The following ZNF530 variants were observed in gnomAD, a reference collection of about 807,000 sequenced individuals.
ZNF530 encodes zinc finger protein 530.
Under a neutral mutation model 2.8 loss-of-function variants are expected in ZNF530, and 5 were observed. The ratio of observed to expected loss-of-function variants is 1.80; its 90% CI spans 0.94 to 3.78. The LOEUF is 3.78. ZNF530 is among the 30% of genes most tolerant of loss of function. The pLI is 0.00. For missense variants in ZNF530, 619 were observed against 673.3 expected (o/e 0.92, Z 0.89); for synonymous variants, 229 against 235.0 (o/e 0.97, Z 0.23).
Position 57,606,299 on chromosome 19 carries a change from G to A in ZNF530, c.675G>A (p.Arg225=), listed in dbSNP as rs1313767376. 8 of 1,613,870 alleles carry A rather than the reference G, an allele frequency of 5.0e-6. No homozygotes were observed. The highest frequency in any genetic ancestry group is 6.8e-6 in the Non-Finnish European group (8 of 1,180,002). The change falls in exon 4 of 4, where the codon AGG becomes AGA. Residue 225 remains arginine (R), a synonymous_variant. Coordinates refer to ENST00000597700, the MANE Select transcript of ZNF530 (RefSeq NM_001321981.2). ...FSQSSGFLRH[R]KAHGRTRTHE... is the part of the protein sequence containing the mutation. ...AAAGTTCTGGCTTTCTTCGACACAG[G>A]AAAGCACACGGTAGAACAAGGACTC...
Position 57,600,142 on chromosome 19 carries a change from C to T in ZNF530, c.-122+8C>T. The T allele has an allele frequency of 6.4e-7, 1 of 1,569,452 alleles. No homozygotes were observed. Among genetic ancestry groups the T allele is most frequent in the Non-Finnish European group, 8.6e-7 (1 of 1,156,446 alleles). On this transcript the variant is annotated splice_region_variant and intron_variant, in intron 1 of 3. Transcript: ENST00000597700. ...CTGAGGGCCCCGACCCAGGTGAGCG[C>T]TGCGTCCTCCCGGCCTCCTCTGCCC...
At chr19:57,602,935 G>T (rs963811243) in intron 2 of ZNF530, among the ~76,000 whole-genome samples, 8 of 152,110 alleles carry the variant, frequency 5.3e-5, no homozygotes. Context: ...CTGTTCCCCA[G>T]GCTGGAGGGC....
chr19:57,599,993 C>A lies in ZNF530; in HGVS notation c.-263C>A. 2.4e-6 allele frequency: 3 copies of A among 1,250,416 alleles called. No homozygotes were observed. The highest frequency in any genetic ancestry group is 1.6e-5 in the South Asian group (1 of 60,738). The allele number at this position is 1,250,416 out of a possible 1,614,324, so 77.5% of individuals were successfully genotyped here. On this transcript the variant is annotated 5_prime_UTR_variant, in exon 1 of 4. Transcript: ENST00000597700. ...GACAGCGAGAAGGCGCGAGGAGAGTCGTTTTCTCAGCTGCACAGCCGGGGC... is the reference window on the plus strand; with the variant it reads ...GACAGCGAGAAGGCGCGAGGAGAGTAGTTTTCTCAGCTGCACAGCCGGGGC...
At chr19:57,601,568 G>C (rs909237173) in intron 2 of ZNF530, among the ~76,000 whole-genome samples, 1 of 152,200 alleles carries the variant, frequency 6.6e-6, no homozygotes, top group African/African-American at 2.4e-5. Context: ...ATATCAAGTG[G>C]CTAGGTGGAC....
downstream of ZNF530, among the ~76,000 whole-genome samples, chr19:57,611,920 A>G (rs1980893713): frequency 6.6e-6 from 1 of 152,148 alleles, no homozygotes; most frequent in Non-Finnish European, 1.5e-5. Context: ...TGAGGCAACT[A>G]GAGACCACCC....
In ZNF530 at chr19:57,606,744, T is replaced by C. The variant is rs767428654; in HGVS notation, c.1120T>C (p.Tyr374His). ...HQRFHTGERPYVCSECGKSFG... is the reference protein window; with the variant it reads ...HQRFHTGERPHVCSECGKSFG... ...AAGATTTCACACTGGAGAAAGACCT[T>C]ATGTGTGCAGTGAATGTGGGAAATC... The change falls in exon 4 of 4, where the codon TAT becomes CAT. Residue 374 changes from tyrosine (Y) to histidine (H), a missense_variant. Coordinates refer to ENST00000597700, the MANE Select transcript of ZNF530 (RefSeq NM_001321981.2). 3.7e-6 allele frequency: 6 copies of C among 1,613,726 alleles called. No individual in the cohort carries two copies. In the African/African-American group the frequency reaches 6.7e-5, roughly 18 times the overall value.
Position 57,600,176 on chromosome 19 carries a change from C to A in ZNF530, c.-122+42C>A, listed in dbSNP as rs753502281. ...CCCGGCCTCCTCTGCCCTCCCCACC[C>A]GAAACTGAGGGACGCGTGAAGGGTT... is the stretch of plus-strand genomic sequence containing the variant. On this transcript the variant is annotated intron_variant, in intron 1 of 3. Transcript: ENST00000597700. 4 of 1,548,632 alleles carry A rather than the reference C, an allele frequency of 2.6e-6. No homozygotes were observed. The South Asian group carries it at 3.6e-5, about 14-fold the overall frequency.
At position 57,608,455 on chromosome 19, in the gene ZNF530, A is replaced by C. The variant is rs1421390786; in HGVS notation, c.*1130A>C. The C allele has an allele frequency of 6.6e-6, 1 of 152,154 alleles. No homozygotes were observed. The highest frequency in any genetic ancestry group is 1.5e-5 in the Non-Finnish European group (1 of 68,024). The allele number at this position is 152,154 out of a possible 1,614,324, so 9.4% of individuals were successfully genotyped here. A position where few individuals can be genotyped will look rare whatever the true frequency, so the allele number is the denominator to read the frequency against. On this transcript the variant is annotated 3_prime_UTR_variant, in exon 4 of 4. Transcript: ENST00000597700. ...TTTCGCATTGTTTCCAAGGCCTTCT[A>C]GGAGACACTGCAGGGCTTTCTGGCT...
chr19:57,603,264 G>GTA (rs1366765790), intron 2 of ZNF530, among the ~76,000 whole-genome samples: 14 of 152,164 alleles, frequency 9.2e-5, no homozygotes, highest in African/African-American at 3.1e-4. Context: ...CCATGATTCA[G>GTA]GTACCTCCTA....
downstream of ZNF530, among the ~76,000 whole-genome samples, chr19:57,610,428 G>A (rs1055764923): frequency 1.3e-5 from 2 of 151,822 alleles, no homozygotes; most frequent in Non-Finnish European, 2.9e-5. Context: ...GTGTGTGTGT[G>A]TGTGTGTGTG....
chr19:57,605,772 G>T lies in ZNF530; in HGVS notation c.148G>T (p.Ala50Ser). Residue 50 changes from alanine (A) to serine (S), a missense_variant, in exon 4 of 4, where the codon GCA becomes TCA. Physicochemically the swap from Ala to Ser is moderately conservative, Grantham distance 99 (BLOSUM62 1). Transcript: ENST00000597700. ...EELSQGRTPKADTSTDKSHPC... is the reference protein window; with the variant it reads ...EELSQGRTPKSDTSTDKSHPC... ...ACTGTCACAGGGCAGGACTCCAAAGGCAGATACATCCACTGATAAGAGTCA... is the reference window on the plus strand; with the variant it reads ...ACTGTCACAGGGCAGGACTCCAAAGTCAGATACATCCACTGATAAGAGTCA... The T allele has an allele frequency of 1.9e-6, 3 of 1,614,152 alleles. No individual in the cohort carries two copies. The highest frequency in any genetic ancestry group is 2.5e-6 in the Non-Finnish European group (3 of 1,180,024).
Position 57,607,020 on chromosome 19 carries a change from TC to T in ZNF530, c.1397del (p.Ser466PhefsTer93), listed in dbSNP as rs778880352. ...RPYECSVCGK[S>X]FIRKTHLIRH... ...TTATGAGTGCAGTGTATGTGGGAAA[TC>T]TTTTATCCGAAAAACCCACCTCATT... On this transcript the variant is annotated frameshift_variant, in exon 4 of 4. Coordinates refer to ENST00000597700, the MANE Select transcript of ZNF530 (RefSeq NM_001321981.2). LOFTEE classifies it low-confidence loss of function (END_TRUNC). 3 of 1,613,020 alleles carry T rather than the reference TC, an allele frequency of 1.9e-6. No homozygotes were observed. The highest frequency in any genetic ancestry group is 1.7e-6 in the Non-Finnish European group (2 of 1,179,300).
chr19:57,604,304 G>T lies in ZNF530; in HGVS notation c.-42G>T, dbSNP rs1453792969. 1 of 1,614,118 alleles carries T rather than the reference G, an allele frequency of 6.2e-7. No homozygotes were observed. The highest frequency in any genetic ancestry group is 1.1e-5 in the South Asian group (1 of 91,084). Reference sequence around the variant, plus strand: ...GGTTTTTGTAGCCTTTGAGGATGTGGCCATTTACTTCTCCCAGGAGGAGTG... The same window carrying T: ...GGTTTTTGTAGCCTTTGAGGATGTGTCCATTTACTTCTCCCAGGAGGAGTG... On this transcript the variant is annotated 5_prime_UTR_variant, in exon 3 of 4. Transcript: ENST00000597700.
Position 57,604,357 on chromosome 19 carries a change from C to G in ZNF530, c.12C>G (p.Leu4=), listed in dbSNP as rs898720582. MQR[L]LYRDVMLENF... ...AGCTCCTTGATGAGATGCAGAGGCT[C>G]CTGTACCGCGATGTGATGCTGGAGA... is the stretch of plus-strand genomic sequence containing the variant. The change falls in exon 3 of 4, where the codon CTC becomes CTG. Residue 4 remains leucine (L), a synonymous_variant. Coordinates refer to ENST00000597700, the MANE Select transcript of ZNF530 (RefSeq NM_001321981.2). The G allele has an allele frequency of 1.5e-5, 24 of 1,614,084 alleles. No homozygotes were observed. Among genetic ancestry groups the G allele is most frequent in the Non-Finnish European group, 2.0e-5 (24 of 1,179,984 alleles).
chr19:57,608,319 G>T lies in ZNF530; in HGVS notation c.*994G>T, dbSNP rs1980708653. ...TGTTGAGTAGTTTGGAAACATAATAGGACTCTGTCAGCTTAAAAGGGTATA... is the reference window on the plus strand; with the variant it reads ...TGTTGAGTAGTTTGGAAACATAATATGACTCTGTCAGCTTAAAAGGGTATA... On this transcript the variant is annotated 3_prime_UTR_variant, in exon 4 of 4. Coordinates refer to ENST00000597700, the MANE Select transcript of ZNF530 (RefSeq NM_001321981.2). 6.6e-6 allele frequency: 1 copy of T among 152,186 alleles called. No homozygotes were observed. The highest frequency in any genetic ancestry group is 1.5e-5 in the Non-Finnish European group (1 of 68,042). 9.4% of individuals were successfully genotyped at this position (152,186 alleles called of 1,614,324 possible). A position where few individuals can be genotyped will look rare whatever the true frequency, so the allele number is the denominator to read the frequency against.
intron 2 of ZNF530, 63 bp from the exon 3 acceptor site, chr19:57,604,214 G>C: frequency 6.2e-7 from 1 of 1,609,302 alleles, no homozygotes; most frequent in South Asian, 1.1e-5. Context: ...ATGGATGTTT[G>C]GGGGAATCAA....
In ZNF530 at chr19:57,609,204, G is replaced by A. The variant is rs190060784; in HGVS notation, c.*1879G>A. Among the ~76,000 whole-genome samples the A allele has an allele frequency of 1.3e-5, 2 of 151,626 alleles. No homozygotes were observed. Among genetic ancestry groups the A allele is most frequent in the Admixed American group, 6.6e-5 (1 of 15,212 alleles). ...AAATTAACCAGGTGCAGTGGTGCAC[G>A]TCTATAATCCCAGCTGCTCTGAAGG... On this transcript the variant is annotated 3_prime_UTR_variant, in exon 4 of 4. Coordinates refer to ENST00000597700, the MANE Select transcript of ZNF530 (RefSeq NM_001321981.2).
In ZNF530 at chr19:57,604,524, T is replaced by C. The variant is rs1980404798; in HGVS notation, c.61+118T>C. ...GAGCTCTACAGACCTTCCCACTTTCTTGGCATATGTATTCTGAGGGACATC... is the reference window on the plus strand; with the variant it reads ...GAGCTCTACAGACCTTCCCACTTTCCTGGCATATGTATTCTGAGGGACATC... On this transcript the variant is annotated intron_variant, in intron 3 of 3. Transcript: ENST00000597700. 2.9e-6 allele frequency: 4 copies of C among 1,385,716 alleles called. No homozygotes were observed. The African/African-American group carries it at 5.8e-5, about 20-fold the overall frequency. The allele number at this position is 1,385,716 out of a possible 1,614,324, so 85.8% of individuals were successfully genotyped here. A position where few individuals can be genotyped will look rare whatever the true frequency, so the allele number is the denominator to read the frequency against.
Position 57,604,323 on chromosome 19 carries a change from A to T in ZNF530, c.-23A>T, listed in dbSNP as rs1022367737. 5.6e-5 allele frequency: 90 copies of T among 1,613,970 alleles called. No homozygotes were observed. The highest frequency in any genetic ancestry group is 6.8e-5 in the Non-Finnish European group (80 of 1,180,000). Reference sequence around the variant, plus strand: ...GATGTGGCCATTTACTTCTCCCAGGAGGAGTGGGAGCTCCTTGATGAGATG... The same window carrying T: ...GATGTGGCCATTTACTTCTCCCAGGTGGAGTGGGAGCTCCTTGATGAGATG... On this transcript the variant is annotated 5_prime_UTR_variant, in exon 3 of 4. Transcript: ENST00000597700.
Sources: gnomAD v4.1 joint callset for allele counts (sites outside exome capture counted in the v4.1 genomes callset) on GRCh38, gnomAD v4.1.1 for gene constraint, MANE v1.5 for transcripts, NCBI Gene and HGNC (gene_info 2026-07-23, HGNC 2026-07-21) for gene names.